The following IVL variants were observed in gnomAD, a reference collection of about 807,000 sequenced individuals.
IVL encodes the protein involucrin.
For synonymous variants in IVL, 257 were observed against 271.0 expected, an observed-to-expected ratio of 0.95 and a Z score of 0.51; for missense variants, 722 against 624.9, an observed-to-expected ratio of 1.16 and a Z score of -1.66.
At position 152,908,565 on chromosome 1, in the gene IVL, C is replaced by T. The variant is rs1649833542; in HGVS notation, c.-44C>T. On this transcript the variant is annotated 5_prime_UTR_variant, in exon 1 of 2. Coordinates refer to ENST00000368764, the MANE Select transcript of IVL (RefSeq NM_005547.4). ...TCAGCTCAGCACTCCACCAAAGCCT[C>T]TGCCTCAGCCTTACTGTGAGTCTGG... 1 of 152,038 alleles carries T rather than the reference C, an allele frequency of 6.6e-6. No individual in the cohort carries two copies. The highest frequency in any genetic ancestry group is 6.6e-5 in the Admixed American group (1 of 15,232). 9.4% of individuals were successfully genotyped at this position (152,038 alleles called of 1,614,324 possible). A position where few individuals can be genotyped will look rare whatever the true frequency, so the allele number is the denominator to read the frequency against.
In IVL at chr1:152,910,743, C is replaced by G. The variant is rs2101498168; in HGVS notation, c.946C>G (p.Leu316Val). 4 of 1,550,458 alleles carry G rather than the reference C, an allele frequency of 2.6e-6. No homozygotes were observed. Among genetic ancestry groups the G allele is most frequent in the African/African-American group, 1.4e-5 (1 of 72,818 alleles). The change falls in exon 2 of 2, where the codon CTG becomes GTG. Residue 316 changes from leucine (L) to valine (V), a missense_variant. By Grantham distance (32) the Leu-to-Val change is conservative. Coordinates refer to ENST00000368764, the MANE Select transcript of IVL (RefSeq NM_005547.4). ...GCAGCAGATGGGGCAGCTGAAGCAC[C>G]TGGAGCAGCAGGAGGGGCAGCCTAA... ...PEQQMGQLKH[L>V]EQQEGQPKHL...
rs1649935658 is a variant in IVL at position 152,910,579 on chromosome 1, G to T, written c.782G>T (p.Gly261Val). Residue 261 changes from glycine to valine, a missense_variant, in exon 2 of 2, where the codon GGA becomes GTA. Physicochemically the swap from Gly to Val is moderately radical, Grantham distance 109 (BLOSUM62 -3). Transcript: ENST00000368764. ...GQLELSEQQEGQLKHLEHQEG... is the reference protein window; with the variant it reads ...GQLELSEQQEVQLKHLEHQEG... ...CTGGAGCTCTCTGAGCAGCAGGAGG[G>T]ACAGCTGAAGCACCTGGAGCACCAG... 1 of 1,550,364 alleles carries T rather than the reference G, an allele frequency of 6.5e-7. No individual in the cohort carries two copies. The highest frequency in any genetic ancestry group is 8.7e-7 in the Non-Finnish European group (1 of 1,146,528).
intron 1 of IVL, among the ~76,000 whole-genome samples, chr1:152,909,439 C>T (rs1035535744): frequency 6.6e-6 from 1 of 152,174 alleles, no homozygotes; most frequent in Non-Finnish European, 1.5e-5. Context: ...CATCTCTGCT[C>T]CTTGGTCAGT....
chr1:152,910,739 G>A lies in IVL; in HGVS notation c.942G>A (p.Lys314=), dbSNP rs1273864419. Residue 314 remains lysine, a synonymous_variant, in exon 2 of 2, where the codon AAG becomes AAA. Transcript: ENST00000368764. ...ELPEQQMGQL[K]HLEQQEGQPK... ...CAGAGCAGCAGATGGGGCAGCTGAA[G>A]CACCTGGAGCAGCAGGAGGGGCAGC... 2 of 1,551,138 alleles carry A rather than the reference G, an allele frequency of 1.3e-6. No individual in the cohort carries two copies. The highest frequency in any genetic ancestry group is 2.7e-5 in the African/African-American group (2 of 73,044).
At chr1:152,909,045 A>C (rs1649855548) in intron 1 of IVL, among the ~76,000 whole-genome samples, 1 of 152,154 alleles carries the variant, frequency 6.6e-6, no homozygotes, top group African/African-American at 2.4e-5. Context: ...GGAAAACTCA[A>C]CTTAGAAGTA....
chr1:152,911,304 C>A lies in IVL; in HGVS notation c.1507C>A (p.Leu503Met), dbSNP rs759571474. ...GCAGCAGGTAGGACAGCCAAAGCAC[C>A]TGGAACAGCAGGAAAAGCACCTAGA... ...PEQQVGQPKH[L>M]EQQEKHLEHP... is the part of the protein sequence containing the mutation. Residue 503 changes from leucine (L) to methionine (M), a missense_variant, in exon 2 of 2, where the codon CTG becomes ATG. Coordinates refer to ENST00000368764, the MANE Select transcript of IVL (RefSeq NM_005547.4). 12 of 1,571,034 alleles carry A rather than the reference C, an allele frequency of 7.6e-6. No homozygotes were observed. In the Admixed American group the frequency reaches 2.3e-4, roughly 30 times the overall value.
Position 152,910,631 on chromosome 1 carries a change from G to A in IVL, c.834G>A (p.Glu278=). 1.3e-6 allele frequency: 2 copies of A among 1,551,286 alleles called. No homozygotes were observed. Among genetic ancestry groups the A allele is most frequent in the South Asian group, 1.2e-5 (1 of 84,024 alleles). Residue 278 remains glutamate (E), a synonymous_variant, in exon 2 of 2, where the codon GAG becomes GAA. Coordinates refer to ENST00000368764, the MANE Select transcript of IVL (RefSeq NM_005547.4). ...AGGGGCAGCTGGAGGTCCCAGAGGAGCAGATGGGGCAGCTGAAGTACCTGG... is the reference window on the plus strand; with the variant it reads ...AGGGGCAGCTGGAGGTCCCAGAGGAACAGATGGGGCAGCTGAAGTACCTGG... ...HQEGQLEVPE[E]QMGQLKYLEQ... is the part of the protein sequence containing the mutation.
At chr1:152,909,435 T>G (rs1302206034) in intron 1 of IVL, among the ~76,000 whole-genome samples, 1 of 152,194 alleles carries the variant, frequency 6.6e-6, no homozygotes, top group Non-Finnish European at 1.5e-5. Flanking sequence ...AACGCATCTC[T>G]GCTCCTTGGT....
rs768762444 is a variant in IVL, at chr1:152,911,599, G to A, written c.*44G>A. ...GGCCCTCAGATCGTCTCATACAAGG[G>A]AAGAGAGAGCCACTGGCTCCACTTA... On this transcript the variant is annotated 3_prime_UTR_variant, in exon 2 of 2. Coordinates refer to ENST00000368764, the MANE Select transcript of IVL (RefSeq NM_005547.4). The A allele has an allele frequency of 2.0e-6, 3 of 1,533,320 alleles. No homozygotes were observed. The highest frequency in any genetic ancestry group is 2.1e-5 in the Admixed American group (1 of 48,736). 95.0% of individuals were successfully genotyped at this position (1,533,320 alleles called of 1,614,324 possible).
intron 1 of IVL, among the ~76,000 whole-genome samples, chr1:152,909,075 C>T (rs1649857076): frequency 6.6e-6 from 1 of 152,152 alleles, no homozygotes; most frequent in South Asian, 2.1e-4. Context: ...GAAGAACAAC[C>T]TCCAACTCTC....
chr1:152,911,700 G>A lies in IVL; in HGVS notation c.*145G>A. 1.2e-6 allele frequency: 1 copy of A among 812,456 alleles called. No homozygotes were observed. The highest frequency in any genetic ancestry group is 3.8e-4 in the Middle Eastern group (1 of 2,650). 50.3% of individuals were successfully genotyped at this position (812,456 alleles called of 1,614,324 possible). A position where few individuals can be genotyped will look rare whatever the true frequency, so the allele number is the denominator to read the frequency against. On this transcript the variant is annotated 3_prime_UTR_variant, in exon 2 of 2. Transcript: ENST00000368764. ...TCTACATGTCTCTTTAATGGGGTGA[G>A]GGTGGGGGAGAGAGGGAATTATTGT...
rs758335386 is a variant in IVL at position 152,909,894 on chromosome 1, C to T, written c.97C>T (p.Gln33Ter). The change falls in exon 2 of 2, where the codon CAA becomes TAA. Residue 33 changes from glutamine (Q) to a stop codon, truncating the protein, a stop_gained. Transcript: ENST00000368764. LOFTEE classifies it low-confidence loss of function (END_TRUNC). Reference protein sequence around the residue: ...VPPPVNTHQEQMKQPTPLPPP... With the variant: ...VPPPVNTHQE ...TCCTCCAGTCAATACCCATCAGGAG[C>T]AAATGAAACAGCCAACTCCACTGCC... is the stretch of plus-strand genomic sequence containing the variant. The T allele has an allele frequency of 6.2e-7, 1 of 1,614,186 alleles. No homozygotes were observed.
rs1424764032 is a variant in IVL at position 152,911,307 on chromosome 1, G to A, written c.1510G>A (p.Glu504Lys). Residue 504 changes from glutamate to lysine, a missense_variant, in exon 2 of 2, where the codon GAA becomes AAA. Coordinates refer to ENST00000368764, the MANE Select transcript of IVL (RefSeq NM_005547.4). ...GCAGGTAGGACAGCCAAAGCACCTG[G>A]AACAGCAGGAAAAGCACCTAGAGCA... ...EQQVGQPKHL[E>K]QQEKHLEHPE... 1.3e-6 allele frequency: 2 copies of A among 1,571,980 alleles called. No homozygotes were observed. The highest frequency in any genetic ancestry group is 1.9e-5 in the Admixed American group (1 of 51,786).
intron 1 of IVL, among the ~76,000 whole-genome samples, chr1:152,909,504 C>G (rs945072157): frequency 5.9e-5 from 9 of 152,174 alleles, no homozygotes; most frequent in African/African-American, 1.9e-4. Context: ...GAGCTGGCAC[C>G]TGACCCACCC....
Position 152,910,031 on chromosome 1 carries a change from G to A in IVL, c.234G>A (p.Gln78=). The A allele has an allele frequency of 6.2e-7, 1 of 1,614,192 alleles. No individual in the cohort carries two copies. The highest frequency in any genetic ancestry group is 8.5e-7 in the Non-Finnish European group (1 of 1,180,036). Residue 78 remains glutamine, a synonymous_variant, in exon 2 of 2, where the codon CAG becomes CAA. Transcript: ENST00000368764. ...KGLPEQECEQ[Q]QKEPQEQELQ... ...TGCCTGAGCAAGAATGTGAGCAACA[G>A]CAGAAGGAGCCACAGGAGCAGGAGC... is the stretch of plus-strand genomic sequence containing the variant.
chr1:152,909,947 G>A lies in IVL; in HGVS notation c.150G>A (p.Glu50=). 1 of 1,614,180 alleles carries A rather than the reference G, an allele frequency of 6.2e-7. No homozygotes were observed. Residue 50 remains glutamate, a synonymous_variant, in exon 2 of 2, where the codon GAG becomes GAA. Transcript: ENST00000368764. The part of the protein sequence containing the change: ...LPPPCQKVPV[E]LPVEVPSKQE... ...CCCCATGCCAGAAGGTGCCTGTCGA[G>A]CTCCCAGTGGAGGTCCCATCAAAGC...
Position 152,911,543 on chromosome 1 carries a change from C to A in IVL, c.1746C>A (p.Pro582=), listed in dbSNP as rs765002404. ...AGAAGCAGGAGGTGCAGTGGCCACC[C>A]AAACATAAATAACCACCCGCAGTGT... ...QQQKQEVQWP[P]KHK The change falls in exon 2 of 2, where the codon CCC becomes CCA. Residue 582 remains proline (P), a synonymous_variant. Coordinates refer to ENST00000368764, the MANE Select transcript of IVL (RefSeq NM_005547.4). 3 of 1,610,670 alleles carry A rather than the reference C, an allele frequency of 1.9e-6. No individual in the cohort carries two copies. The highest frequency in any genetic ancestry group is 2.2e-5 in the South Asian group (2 of 90,326).
intron 1 of IVL, 55 bp from the exon 2 acceptor site, chr1:152,909,724 T>C: frequency 7.1e-7 from 1 of 1,408,372 alleles, no homozygotes; most frequent in Non-Finnish European, 9.7e-7. Context: ...ATTCCCAAGG[T>C]TTCATCTATT....
At chr1:152,909,630 T>G in intron 1 of IVL, 149 bp from the exon 2 acceptor site, 1 of 625,850 alleles carries the variant, frequency 1.6e-6, no homozygotes, top group South Asian at 2.3e-5. Flanking sequence ...CTCTGCTGCT[T>G]TTGGGAAATG....
Sources: gnomAD v4.1 joint callset for allele counts (sites outside exome capture counted in the v4.1 genomes callset) on GRCh38, gnomAD v4.1.1 for gene constraint, MANE v1.5 for transcripts, NCBI Gene and HGNC (gene_info 2026-07-23, HGNC 2026-07-21) for gene names.